Variants in IL1RAPL2 observed in about 807,000 individuals in gnomAD.
The protein encoded by IL1RAPL2 is X-linked interleukin-1 receptor accessory protein-like 2.
A neutral mutation model predicts 44.1 loss-of-function variants in IL1RAPL2; 3 were observed. The observed-to-expected ratio is 0.07, with a 90% CI of 0.03 to 0.18. The LOEUF is 0.18. IL1RAPL2 is among the 10% of genes least tolerant of loss of function. The pLI is 1.00. For missense variants in IL1RAPL2, 391 were observed against 496.4 expected (o/e 0.79, Z 2.02); for synonymous variants, 181 against 178.8 (o/e 1.01, Z -0.10).
chrX:105,676,862 C>G (rs2037877366), intron 6 of IL1RAPL2, among the ~76,000 whole-genome samples: 1 of 111,886 alleles, frequency 8.9e-6, no homozygotes, highest in African/African-American at 3.2e-5. Context: ...ATCAGAGAAA[C>G]AGTTATACTA....
chrX:105,625,880 AT>A (rs1199623935), intron 6 of IL1RAPL2, among the ~76,000 whole-genome samples: 1 of 112,051 alleles, frequency 8.9e-6, no homozygotes, highest in East Asian at 2.8e-4. Flanking sequence ...ACATACAAAT[AT>A]TTAGAGATTC....
intron 3 of IL1RAPL2, among the ~76,000 whole-genome samples, chrX:105,226,179 CCT>C (rs1250866906): frequency 9.1e-6 from 1 of 110,203 alleles, no homozygotes; most frequent in Non-Finnish European, 1.9e-5. Flanking sequence ...ATCACCTGAT[CCT>C]CTTTGTATTA....
At chrX:105,645,631 A>C (rs1325035500) in intron 6 of IL1RAPL2, among the ~76,000 whole-genome samples, 2 of 111,816 alleles carry the variant, frequency 1.8e-5, no homozygotes, top group African/African-American at 6.5e-5. Flanking sequence ...GATATCTCTG[A>C]AGGTTTGGTT....
intron 5 of IL1RAPL2, among the ~76,000 whole-genome samples, chrX:105,372,751 A>G (rs1365026981): frequency 8.9e-6 from 1 of 111,832 alleles, no homozygotes; most frequent in Non-Finnish European, 1.9e-5. Context: ...CAGTTCCTGC[A>G]TTAGTTTGCT....
intron 2 of IL1RAPL2, among the ~76,000 whole-genome samples, chrX:105,076,330 A>T (rs2032301062): frequency 9.0e-6 from 1 of 111,525 alleles, no homozygotes; most frequent in East Asian, 2.8e-4. Flanking sequence ...CAGGTTGTTC[A>T]GTTTCCATGT....
intron 2 of IL1RAPL2, among the ~76,000 whole-genome samples, chrX:105,074,715 C>G (rs1184336571): frequency 1.1e-4 from 12 of 106,828 alleles, no homozygotes; most frequent in African/African-American, 2.0e-4. Flanking sequence ...CTTTTATTTC[C>G]TTGAGCAGTG....
chrX:105,119,788 A>G (rs2032902554), intron 2 of IL1RAPL2, among the ~76,000 whole-genome samples: 1 of 111,373 alleles, frequency 9.0e-6, no homozygotes, highest in African/African-American at 3.3e-5. Context: ...AGTTAGTTGG[A>G]TACTGTGAAA....
chrX:105,377,032 A>G (rs1321192072), intron 5 of IL1RAPL2, among the ~76,000 whole-genome samples: 1 of 111,825 alleles, frequency 8.9e-6, no homozygotes, highest in Non-Finnish European at 1.9e-5. Context: ...TCTGCCCCAC[A>G]CTGTCAGTCC....
intron 5 of IL1RAPL2, among the ~76,000 whole-genome samples, chrX:105,417,866 C>T (rs1024738259): frequency 4.5e-5 from 5 of 111,802 alleles, no homozygotes; most frequent in East Asian, 2.8e-4. Flanking sequence ...GAATATGACA[C>T]GTATGCTTAC....
chrX:105,282,700 G>T (rs1170403032), intron 5 of IL1RAPL2, among the ~76,000 whole-genome samples: 1 of 111,512 alleles, frequency 9.0e-6, no homozygotes, highest in Non-Finnish European at 1.9e-5. Flanking sequence ...ATCTTACAGT[G>T]TCTGATAACT....
chrX:104,614,166 A>G (rs1463348088), intron 1 of IL1RAPL2, among the ~76,000 whole-genome samples: 1 of 110,876 alleles, frequency 9.0e-6, no homozygotes, highest in Admixed American at 9.6e-5. Flanking sequence ...TTGATTCTTC[A>G]TATGGATTTT....
chrX:105,736,502 T>A (rs2038450342), intron 7 of IL1RAPL2, among the ~76,000 whole-genome samples: 1 of 106,058 alleles, frequency 9.4e-6, no homozygotes, highest in Non-Finnish European at 1.9e-5. Context: ...CCAGAATCCA[T>A]AAGGAACTTA....
chrX:104,676,191 G>T (rs1442668838), intron 2 of IL1RAPL2, among the ~76,000 whole-genome samples: 1 of 111,399 alleles, frequency 9.0e-6, no homozygotes, highest in Non-Finnish European at 1.9e-5. Context: ...TTTCTTCCTA[G>T]TCTGGATGAT....
At chrX:105,764,923 G>A (rs2038717625) in intron 10 of IL1RAPL2, among the ~76,000 whole-genome samples, 1 of 112,193 alleles carries the variant, frequency 8.9e-6, no homozygotes, top group South Asian at 3.7e-4. Context: ...GTTTGTACAA[G>A]GTTTAATTTT....
intron 2 of IL1RAPL2, among the ~76,000 whole-genome samples, chrX:105,096,548 C>A (rs1444959233): frequency 8.9e-6 from 1 of 112,079 alleles, no homozygotes; most frequent in African/African-American, 3.2e-5. Flanking sequence ...CATGATATAA[C>A]ATGGATAAAC....
chrX:104,887,072 A>C (rs1602782474), intron 2 of IL1RAPL2, among the ~76,000 whole-genome samples: 1 of 112,689 alleles, frequency 8.9e-6, no homozygotes, highest in South Asian at 3.7e-4. Context: ...AGGAATGAAT[A>C]CAGCCATAAT....
At chrX:105,051,915 C>T (rs1012479136) in intron 2 of IL1RAPL2, among the ~76,000 whole-genome samples, 6 of 112,277 alleles carry the variant, frequency 5.3e-5, no homozygotes, top group Admixed American at 1.9e-4. Flanking sequence ...CCAATAGGTA[C>T]AGCAAACCAC....
At chrX:104,646,385 T>C (rs1430764327) in intron 1 of IL1RAPL2, among the ~76,000 whole-genome samples, 2 of 109,779 alleles carry the variant, frequency 1.8e-5, no homozygotes, top group Non-Finnish European at 3.8e-5. Flanking sequence ...ATTTTGACGA[T>C]GATATTGAAT....
At chrX:105,733,696 C>G (rs2038423803) in intron 7 of IL1RAPL2, among the ~76,000 whole-genome samples, 1 of 110,540 alleles carries the variant, frequency 9.0e-6, no homozygotes, top group African/African-American at 3.3e-5. Context: ...TCTCTGGTTA[C>G]CTTACTAATT....
Sources: gnomAD v4.1 joint callset for allele counts (sites outside exome capture counted in the v4.1 genomes callset) on GRCh38, gnomAD v4.1.1 for gene constraint, MANE v1.5 for transcripts, NCBI Gene and HGNC (gene_info 2026-07-23, HGNC 2026-07-21) for gene names.